LRRC4C: variants seen among roughly 807,000 people sequenced by gnomAD.
LRRC4C encodes the protein leucine rich repeat containing 4C.
Under a neutral mutation model 33.6 loss-of-function variants are expected in LRRC4C, and 5 were observed. The observed-to-expected ratio is 0.15, with a 90% confidence interval of 0.08 to 0.31. The LOEUF (loss-of-function observed/expected upper bound fraction) is 0.31. Ranked by LOEUF, LRRC4C falls within the 10% of genes least tolerant of loss-of-function variation. LRRC4C has a pLI of 1.00. For synonymous variants in LRRC4C, 329 were observed against 302.0 expected, an observed-to-expected ratio of 1.09 and a Z score of -0.93; for missense variants, 560 against 796.7, an observed-to-expected ratio of 0.70 and a Z score of 3.58.
At chr11:41,140,775 C>A (rs1943469750) in intron 1 of LRRC4C, among the ~76,000 whole-genome samples, 1 of 152,182 alleles carries the variant, frequency 6.6e-6, no homozygotes, top group Non-Finnish European at 1.5e-5. Flanking sequence ...ATTATCCTCT[C>A]CCCTAGTTTA....
intron 1 of LRRC4C, among the ~76,000 whole-genome samples, chr11:41,028,964 A>C (rs948402236): frequency 1.3e-5 from 2 of 151,722 alleles, no homozygotes; most frequent in Non-Finnish European, 3.0e-5. Flanking sequence ...TCAGCATCAC[A>C]CATTTATATG....
chr11:41,357,061 C>T (rs1456691160), intron 1 of LRRC4C, among the ~76,000 whole-genome samples: 1 of 151,406 alleles, frequency 6.6e-6, no homozygotes, highest in Non-Finnish European at 1.5e-5. Context: ...AAAAAAATAC[C>T]AACAGCATTT....
At chr11:41,447,673 C>A (rs1189786000) in intron 1 of LRRC4C, among the ~76,000 whole-genome samples, 2 of 152,030 alleles carry the variant, frequency 1.3e-5, no homozygotes, top group East Asian at 1.9e-4. Flanking sequence ...GTAAGACAAC[C>A]CTGAAAGTAT....
At chr11:40,570,413 A>G (rs1957936744) in intron 3 of LRRC4C, among the ~76,000 whole-genome samples, 1 of 152,146 alleles carries the variant, frequency 6.6e-6, no homozygotes, top group Non-Finnish European at 1.5e-5. Context: ...TGGGCAACCC[A>G]AAGACTGCCA....
chr11:40,349,525 A>G (rs1947290837), intron 3 of LRRC4C, among the ~76,000 whole-genome samples: 1 of 152,096 alleles, frequency 6.6e-6, no homozygotes, highest in African/African-American at 2.4e-5. Context: ...TAGTGCTGCA[A>G]TTAACATGGG....
At chr11:41,060,213 A>C (rs563929776) in intron 1 of LRRC4C, among the ~76,000 whole-genome samples, 1 of 152,180 alleles carries the variant, frequency 6.6e-6, no homozygotes, top group African/African-American at 2.4e-5. Context: ...GATTGTAATC[A>C]TAGAGAGTTA....
At chr11:40,280,777 T>A (rs1164797624) in intron 4 of LRRC4C, among the ~76,000 whole-genome samples, 1 of 152,084 alleles carries the variant, frequency 6.6e-6, no homozygotes, top group Non-Finnish European at 1.5e-5. Flanking sequence ...ACACCAACCA[T>A]TATAATATGT....
chr11:40,830,058 T>C (rs1565109604), intron 2 of LRRC4C, among the ~76,000 whole-genome samples: 1 of 151,970 alleles, frequency 6.6e-6, no homozygotes, highest in Non-Finnish European at 1.5e-5. Flanking sequence ...GCAAGATAAC[T>C]TGCAGAAAAA....
At chr11:41,387,057 C>T (rs72896550) in intron 1 of LRRC4C, among the ~76,000 whole-genome samples, 10 of 151,584 alleles carry the variant, frequency 6.6e-5, no homozygotes, top group African/African-American at 2.2e-4. Context: ...TTAGCCTGAT[C>T]GTATTGTTTT....
chr11:40,652,466 A>G (rs1375205082), intron 2 of LRRC4C, among the ~76,000 whole-genome samples: 3 of 152,266 alleles, frequency 2.0e-5, no homozygotes, highest in Admixed American at 2.0e-4. Flanking sequence ...TATGAGGTAG[A>G]CATTCTTCCC....
chr11:40,934,244 T>A (rs1440285356), intron 1 of LRRC4C, among the ~76,000 whole-genome samples: 1 of 152,146 alleles, frequency 6.6e-6, no homozygotes, highest in East Asian at 1.9e-4. Flanking sequence ...AAATATGACC[T>A]TTTCCCTCTG....
intron 3 of LRRC4C, among the ~76,000 whole-genome samples, chr11:40,360,224 A>G (rs1224219233): frequency 6.6e-6 from 1 of 152,208 alleles, no homozygotes; most frequent in East Asian, 1.9e-4. Flanking sequence ...ATTCCAGGCT[A>G]CAATAACAGA....
intron 1 of LRRC4C, among the ~76,000 whole-genome samples, chr11:41,074,549 A>C (rs1938963962): frequency 6.6e-6 from 1 of 152,190 alleles, no homozygotes; most frequent in Admixed American, 6.5e-5. Flanking sequence ...TTACTCCTCT[A>C]ACCACAGTCC....
At chr11:40,969,262 T>C (rs1326207090) in intron 1 of LRRC4C, among the ~76,000 whole-genome samples, 2 of 143,056 alleles carry the variant, frequency 1.4e-5, no homozygotes, top group East Asian at 4.2e-4. Context: ...AAAATTTGAA[T>C]GGTTAGGGAG....
At chr11:40,287,558 C>G (rs1162014653) in intron 4 of LRRC4C, among the ~76,000 whole-genome samples, 1 of 152,088 alleles carries the variant, frequency 6.6e-6, no homozygotes, top group Non-Finnish European at 1.5e-5. Flanking sequence ...AGCACAGTGT[C>G]TCAGCCACAA....
chr11:41,204,488 A>G (rs1946519752), intron 1 of LRRC4C, among the ~76,000 whole-genome samples: 1 of 152,178 alleles, frequency 6.6e-6, no homozygotes, highest in African/African-American at 2.4e-5. Flanking sequence ...TCAGTCAGGC[A>G]ACATGACTTA....
chr11:40,852,837 G>A (rs1235427617), intron 2 of LRRC4C, among the ~76,000 whole-genome samples: 4 of 152,096 alleles, frequency 2.6e-5, no homozygotes, highest in African/African-American at 9.7e-5. Flanking sequence ...CACCAACAGA[G>A]AACTGTCAAT....
rs528595254 is a variant in LRRC4C, at chr11:40,310,873, C to A, written c.-176+8755G>T. 2.6e-5 allele frequency among the ~76,000 whole-genome samples: 4 copies of A among 152,196 alleles called. No individual in the cohort carries two copies. In the South Asian group the frequency reaches 6.2e-4, roughly 24 times the overall value. ...CAAAGACTGGGTCCTAAAGAAGAAT[C>A]CAAAGAGTTTTGTTTTGTTTAGGGT... On this transcript the variant is annotated intron_variant, in intron 4 of 6. Transcript: ENST00000528697.
intron 1 of LRRC4C, among the ~76,000 whole-genome samples, chr11:41,241,117 C>A (rs903379469): frequency 6.6e-6 from 1 of 152,016 alleles, no homozygotes; most frequent in African/African-American, 2.4e-5. Flanking sequence ...AGACCAACTA[C>A]CTTATAGTGT....
Sources: gnomAD v4.1 joint callset for allele counts (sites outside exome capture counted in the v4.1 genomes callset) on GRCh38, gnomAD v4.1.1 for gene constraint, MANE v1.5 for transcripts, NCBI Gene and HGNC (gene_info 2026-07-23, HGNC 2026-07-21) for gene names.